EXT1: variants seen among roughly 807,000 people sequenced by gnomAD.
The protein encoded by EXT1 is exostosin glycosyltransferase 1, also known as exostosin-1.
A neutral mutation model predicts 82.5 loss-of-function variants in EXT1; 20 were observed. The ratio of observed to expected loss-of-function variants is 0.24; its 90% CI spans 0.17 to 0.35. EXT1 has a LOEUF of 0.35. Among genes scored for constraint, EXT1 ranks in the 10% least tolerant of loss-of-function variants. EXT1 has a pLI of 1.00. For synonymous variants in EXT1, 348 were observed against 350.8 expected (o/e 0.99, Z 0.09); for missense variants, 757 against 936.5 (o/e 0.81, Z 2.50).
intron 1 of EXT1, among the ~76,000 whole-genome samples, chr8:118,030,261 G>C (rs1048919200): frequency 3.3e-5 from 5 of 150,718 alleles, no homozygotes; most frequent in Admixed American, 2.0e-4. Flanking sequence ...AAAGGCTAAG[G>C]ATATAAAAGC....
At chr8:117,869,323 G>T (rs1001906914) in intron 1 of EXT1, among the ~76,000 whole-genome samples, 1 of 152,312 alleles carries the variant, frequency 6.6e-6, no homozygotes, top group African/African-American at 2.4e-5. Flanking sequence ...TGATTTATTT[G>T]TTTGGCGCAG....
In EXT1 at chr8:117,854,553, G is replaced by A. The variant is rs535193231; in HGVS notation, c.963-17352C>T. Among the ~76,000 whole-genome samples, 5 of 152,224 alleles carry A rather than the reference G, an allele frequency of 3.3e-5. No individual in the cohort carries two copies. The East Asian group carries it at 9.6e-4, about 29-fold the overall frequency. On this transcript the variant is annotated intron_variant, in intron 1 of 10. Coordinates refer to ENST00000378204, the MANE Select transcript of EXT1 (RefSeq NM_000127.3). The stretch of plus-strand genomic sequence containing the variant: ...CCTGCATAGAAAAAGAAAGCTGCTG[G>A]TAAGTGTTAAAGGAAAGGCTTGTTG...
At chr8:118,028,779 G>A (rs1299639415) in intron 1 of EXT1, among the ~76,000 whole-genome samples, 12 of 151,928 alleles carry the variant, frequency 7.9e-5, no homozygotes, top group East Asian at 3.9e-4. Flanking sequence ...AAAATTAGCC[G>A]GGTGTGGTGG....
At chr8:117,877,655 A>C (rs1812994160) in intron 1 of EXT1, among the ~76,000 whole-genome samples, 1 of 152,296 alleles carries the variant, frequency 6.6e-6, no homozygotes, top group Non-Finnish European at 1.5e-5. Context: ...AAGCAGAGGA[A>C]ATGAGTGAAT....
intron 1 of EXT1, among the ~76,000 whole-genome samples, chr8:118,002,828 G>A (rs986450635): frequency 3.3e-5 from 5 of 151,980 alleles, no homozygotes; most frequent in Admixed American, 2.6e-4. Flanking sequence ...CACTGCACCC[G>A]GCCTGGAGAT....
chr8:118,043,945 T>C (rs1012558628), intron 1 of EXT1, among the ~76,000 whole-genome samples: 4 of 152,240 alleles, frequency 2.6e-5, no homozygotes, highest in African/African-American at 9.6e-5. Flanking sequence ...CTTTCCATGA[T>C]CTCATCAACT....
intron 1 of EXT1, among the ~76,000 whole-genome samples, chr8:118,023,456 A>G (rs1319022447): frequency 6.6e-6 from 1 of 152,202 alleles, no homozygotes; most frequent in Admixed American, 6.5e-5. Flanking sequence ...GGGAGCTTTA[A>G]AATAGGAATG....
chr8:118,068,142 T>C (rs890445915), intron 1 of EXT1, among the ~76,000 whole-genome samples: 1 of 152,258 alleles, frequency 6.6e-6, no homozygotes, highest in Non-Finnish European at 1.5e-5. Context: ...TCGGCAAAGC[T>C]GTGTGGCCAC....
chr8:117,969,610 G>C (rs1166966261), intron 1 of EXT1, among the ~76,000 whole-genome samples: 1 of 152,134 alleles, frequency 6.6e-6, no homozygotes, highest in Non-Finnish European at 1.5e-5. Context: ...TGAAAATCCT[G>C]CATAAATTAT....
chr8:117,983,298 A>C (rs1815245680), intron 1 of EXT1, among the ~76,000 whole-genome samples: 1 of 152,146 alleles, frequency 6.6e-6, no homozygotes, highest in Non-Finnish European at 1.5e-5. Context: ...AGCCTGGGCA[A>C]CGTGGTGAGA....
intron 1 of EXT1, among the ~76,000 whole-genome samples, chr8:117,920,356 G>C (rs896631202): frequency 6.6e-6 from 1 of 152,050 alleles, no homozygotes; most frequent in Admixed American, 6.6e-5. Context: ...CACCCGCCTC[G>C]GCCTCCAAGT....
rs1168008990 is a variant in EXT1, at chr8:117,797,914, T to A, written c.*1798A>T. ...CTGAGGAGAAAATCCTCTCTTTAAT[T>A]GAATTTCACTGTCTACGCACCTCTC... On this transcript the variant is annotated 3_prime_UTR_variant, in exon 11 of 11. Transcript: ENST00000378204. 6.6e-6 allele frequency: 1 copy of A among 152,230 alleles called. No homozygotes were observed. The highest frequency in any genetic ancestry group is 1.9e-4 in the East Asian group (1 of 5,192). The allele number at this position is 152,230 out of a possible 1,614,324, so 9.4% of individuals were successfully genotyped here. A position where few individuals can be genotyped will look rare whatever the true frequency, so the allele number is the denominator to read the frequency against.
intron 1 of EXT1, among the ~76,000 whole-genome samples, chr8:117,960,208 C>G (rs528681713): frequency 4.5e-4 from 69 of 152,160 alleles, no homozygotes; most frequent in Admixed American, 9.2e-4. Context: ...GAGACTCCAT[C>G]TCAAAAATAA....
At chr8:117,884,469 A>G (rs1813113865) in intron 1 of EXT1, among the ~76,000 whole-genome samples, 1 of 152,172 alleles carries the variant, frequency 6.6e-6, no homozygotes, top group South Asian at 2.1e-4. Context: ...ATTACTGCCA[A>G]ATGTAGAAGG....
chr8:117,863,963 G>T (rs1040250387), intron 1 of EXT1, among the ~76,000 whole-genome samples: 1 of 152,134 alleles, frequency 6.6e-6, no homozygotes, highest in African/African-American at 2.4e-5. Context: ...TGCAGAAAAG[G>T]TTTCTGCTAC....
At chr8:117,879,575 CT>C in intron 1 of EXT1, among the ~76,000 whole-genome samples, 2 of 152,228 alleles carry the variant, frequency 1.3e-5, no homozygotes, top group South Asian at 4.1e-4. Flanking sequence ...TGACACTAAC[CT>C]CTTGAATTTT....
At position 117,799,691 on chromosome 8, in the gene EXT1, TC is replaced by T. The variant is rs1157217041; in HGVS notation, c.*20del. 6.2e-7 allele frequency: 1 copy of T among 1,613,040 alleles called. No homozygotes were observed. The highest frequency in any genetic ancestry group is 8.5e-7 in the Non-Finnish European group (1 of 1,179,514). ...GACCCCCATCCCTTCTTGCTTCCCC[TC>T]CCCCACTCAGCCGGATTCCTCAAAG... is the stretch of plus-strand genomic sequence containing the variant. On this transcript the variant is annotated 3_prime_UTR_variant, in exon 11 of 11. Coordinates refer to ENST00000378204, the MANE Select transcript of EXT1 (RefSeq NM_000127.3).
At position 117,815,674 on chromosome 8, in the gene EXT1, G is replaced by A. The variant is rs527272702; in HGVS notation, c.1633-2713C>T. On this transcript the variant is annotated intron_variant, in intron 7 of 10. Transcript: ENST00000378204. ...TGGCCAGGTACAGTGGCTCCCGCCT[G>A]TAACCCCAGCACTTTGGGAGGCCTA... Among the ~76,000 whole-genome samples the A allele has an allele frequency of 3.3e-4, 51 of 152,274 alleles. 1 individual carries two copies. Among genetic ancestry groups the A allele is most frequent in the African/African-American group, 1.2e-3 (50 of 41,570 alleles).
chr8:117,997,079 A>G (rs1815552571), intron 1 of EXT1, among the ~76,000 whole-genome samples: 1 of 152,076 alleles, frequency 6.6e-6, no homozygotes, highest in African/African-American at 2.4e-5. Context: ...TTAAACAGGG[A>G]ATACCATTTG....
Sources: gnomAD v4.1 joint callset for allele counts (sites outside exome capture counted in the v4.1 genomes callset) on GRCh38, gnomAD v4.1.1 for gene constraint, MANE v1.5 for transcripts, NCBI Gene and HGNC (gene_info 2026-07-23, HGNC 2026-07-21) for gene names.